CSMD1: variants seen among roughly 807,000 people sequenced by gnomAD.
CSMD1 encodes the protein CUB and sushi domain-containing protein 1.
Under a neutral mutation model 417.5 loss-of-function variants are expected in CSMD1, and 213 were observed. The observed-to-expected ratio is 0.51, with a 90% CI of 0.46 to 0.57. CSMD1 has a LOEUF of 0.57. CSMD1 is among the 20% of genes least tolerant of loss of function. The probability of loss-of-function intolerance (pLI) is 0.00; values close to 1 mark genes in which losing one functional copy is unlikely to be tolerated. For synonymous variants in CSMD1, 2,862 were observed against 1,736.8 expected (o/e 1.65, Z -16.11); for missense variants, 6,923 against 4,529.7 (o/e 1.53, Z -15.17).
chr8:3,196,123 G>C (rs775217105), intron 33 of CSMD1, among the ~76,000 whole-genome samples: 6 of 152,172 alleles, frequency 3.9e-5, no homozygotes, highest in Admixed American at 6.5e-5. Flanking sequence ...AAAGTGACCT[G>C]TGGTCATTCC....
chr8:4,572,188 G>A (rs886388288), intron 2 of CSMD1, among the ~76,000 whole-genome samples: 1 of 152,214 alleles, frequency 6.6e-6, no homozygotes, highest in Non-Finnish European at 1.5e-5. Context: ...TTGCACAATA[G>A]TTGATGCAGT....
chr8:3,814,354 G>A (rs1156808547), intron 5 of CSMD1, among the ~76,000 whole-genome samples: 3 of 152,034 alleles, frequency 2.0e-5, no homozygotes, highest in African/African-American at 7.3e-5. Context: ...GGACATCTTT[G>A]ACTCTAGATG....
At chr8:3,820,021 G>T (rs908167279) in intron 5 of CSMD1, among the ~76,000 whole-genome samples, 1 of 152,128 alleles carries the variant, frequency 6.6e-6, no homozygotes, top group Admixed American at 6.5e-5. Flanking sequence ...GAACATCACA[G>T]TCATCTTCAC....
chr8:4,118,830 T>G (rs942891940), intron 3 of CSMD1, among the ~76,000 whole-genome samples: 1 of 152,150 alleles, frequency 6.6e-6, no homozygotes, highest in Non-Finnish European at 1.5e-5. Flanking sequence ...TAGCAAAGAC[T>G]TGGAACCAAC....
At chr8:3,720,837 A>C (rs929092166) in intron 6 of CSMD1, among the ~76,000 whole-genome samples, 4 of 151,698 alleles carry the variant, frequency 2.6e-5, no homozygotes, top group Admixed American at 6.6e-5. Flanking sequence ...TTTTTTCGAG[A>C]GTCTCGCTCT....
intron 6 of CSMD1, among the ~76,000 whole-genome samples, chr8:3,745,851 G>T (rs1466292315): frequency 6.6e-6 from 1 of 152,148 alleles, no homozygotes; most frequent in Non-Finnish European, 1.5e-5. Context: ...ATAATCTGTG[G>T]TTTCCCCACA....
At chr8:3,080,992 A>C (rs181424614) in intron 49 of CSMD1, among the ~76,000 whole-genome samples, 13 of 152,372 alleles carry the variant, frequency 8.5e-5, no homozygotes, top group Admixed American at 7.8e-4. Flanking sequence ...ATAATCTTTA[A>C]AAGGAAAAAT....
intron 1 of CSMD1, among the ~76,000 whole-genome samples, chr8:4,984,304 G>A (rs1176950299): frequency 6.6e-6 from 1 of 152,192 alleles, no homozygotes; most frequent in Non-Finnish European, 1.5e-5. Flanking sequence ...CCCCTTGGCT[G>A]CATGAGAGTA....
At chr8:4,471,210 T>C (rs1051891293) in intron 2 of CSMD1, among the ~76,000 whole-genome samples, 5 of 152,176 alleles carry the variant, frequency 3.3e-5, no homozygotes, top group Non-Finnish European at 7.3e-5. Flanking sequence ...AAAACAATCT[T>C]AGAAAAAGTC....
At chr8:3,696,573 G>A (rs914738305) in intron 7 of CSMD1, among the ~76,000 whole-genome samples, 2 of 152,134 alleles carry the variant, frequency 1.3e-5, no homozygotes, top group Non-Finnish European at 2.9e-5. Flanking sequence ...AATTAGTGTG[G>A]TAATTAATTT....
At chr8:3,886,073 C>T (rs1226936158) in intron 5 of CSMD1, among the ~76,000 whole-genome samples, 8 of 151,618 alleles carry the variant, frequency 5.3e-5, no homozygotes, top group African/African-American at 2.4e-5. Flanking sequence ...TTTTTTGAGA[C>T]AGACTCTTGC....
At chr8:3,787,555 A>G (rs566594748) in intron 5 of CSMD1, among the ~76,000 whole-genome samples, 1 of 152,318 alleles carries the variant, frequency 6.6e-6, no homozygotes, top group African/African-American at 2.4e-5. Flanking sequence ...AATAGGTAAG[A>G]AGATACAGAT....
At chr8:3,404,135 A>G (rs1161529) in intron 15 of CSMD1, among the ~76,000 whole-genome samples, 125,795 of 152,024 alleles carry the variant, frequency 0.83, 52,354 homozygotes, top group South Asian at 0.87. Context: ...GGAGTTTGAG[A>G]CCAGCCTGGC....
chr8:4,395,595 A>C (rs2128925894), intron 3 of CSMD1, among the ~76,000 whole-genome samples: 1 of 152,194 alleles, frequency 6.6e-6, no homozygotes, highest in African/African-American at 2.4e-5. Context: ...GATAGATTTC[A>C]GGATAAAATT....
intron 3 of CSMD1, among the ~76,000 whole-genome samples, chr8:4,165,809 C>G (rs181393394): frequency 4.8e-4 from 73 of 152,324 alleles, no homozygotes; most frequent in African/African-American, 1.8e-3. Context: ...CGCATTATGT[C>G]ACTCTTACTA....
chr8:4,640,345 G>A (rs997346002), intron 1 of CSMD1, among the ~76,000 whole-genome samples: 57 of 152,114 alleles, frequency 3.7e-4, no homozygotes, highest in African/African-American at 1.3e-3. Context: ...AGATAGAATC[G>A]GATGTATTTG....
At chr8:4,007,513 T>C (rs1386581789) in intron 4 of CSMD1, among the ~76,000 whole-genome samples, 1 of 151,900 alleles carries the variant, frequency 6.6e-6, no homozygotes, top group African/African-American at 2.4e-5. Context: ...CCACCATATT[T>C]AAACTAGCAC....
chr8:4,062,220 G>A (rs17063225), intron 3 of CSMD1, among the ~76,000 whole-genome samples: 1 of 152,048 alleles, frequency 6.6e-6, no homozygotes, highest in East Asian at 1.9e-4. Flanking sequence ...TACGGGCCAG[G>A]TTCACACAAG....
At chr8:2,988,227 C>A (rs1585100719) in intron 54 of CSMD1, among the ~76,000 whole-genome samples, 1 of 151,978 alleles carries the variant, frequency 6.6e-6, no homozygotes, top group East Asian at 1.9e-4. Flanking sequence ...CTTTTTGATT[C>A]CTCTACCCTA....
Sources: gnomAD v4.1 joint callset for allele counts (sites outside exome capture counted in the v4.1 genomes callset) on GRCh38, gnomAD v4.1.1 for gene constraint, MANE v1.5 for transcripts, NCBI Gene and HGNC (gene_info 2026-07-23, HGNC 2026-07-21) for gene names.